The following PROX1 variants were observed in gnomAD, a reference collection of about 807,000 sequenced individuals.
PROX1 encodes the protein prospero homeobox 1.
A neutral mutation model predicts 58.8 loss-of-function variants in PROX1; 7 were observed. The ratio of observed to expected loss-of-function variants is 0.12; its 90% CI spans 0.07 to 0.22. PROX1 has a LOEUF of 0.22. Ranked by LOEUF, PROX1 falls within the 10% of genes least tolerant of loss-of-function variation. The pLI is 1.00. For missense variants in PROX1, 675 were observed against 927.8 expected (o/e 0.73, Z 3.54); for synonymous variants, 350 against 358.3 (o/e 0.98, Z 0.26).
chr1:214,032,986 C>T (rs1448663249), intron 4 of PROX1, among the ~76,000 whole-genome samples: 1 of 152,202 alleles, frequency 6.6e-6, no homozygotes, highest in Admixed American at 6.5e-5. Flanking sequence ...TGTTCTCATG[C>T]AAATCCTACA....
chr1:213,992,488 T>C (rs1328103536), intron 1 of PROX1, among the ~76,000 whole-genome samples: 4 of 152,106 alleles, frequency 2.6e-5, no homozygotes, highest in Non-Finnish European at 5.9e-5. Context: ...CCCCTTTGAA[T>C]CACTAATTTC....
Position 214,027,327 on chromosome 1 carries a change from G to A in PROX1, c.2029-8322G>A, listed in dbSNP as rs1431437711. Among the ~76,000 whole-genome samples, 4 of 151,706 alleles carry A rather than the reference G, an allele frequency of 2.6e-5. No individual in the cohort carries two copies. In the East Asian group the frequency reaches 5.8e-4, roughly 22 times the overall value. On this transcript the variant is annotated intron_variant, in intron 4 of 4. Transcript: ENST00000366958. Reference sequence around the variant, plus strand: ...CAAACTCACTAGAGAGTTTGGCTTCGGGATTTTGGCAAGAAGGCCGATTGC... The same window carrying A: ...CAAACTCACTAGAGAGTTTGGCTTCAGGATTTTGGCAAGAAGGCCGATTGC...
chr1:213,989,337 G>A (rs1380987548), intron 1 of PROX1, among the ~76,000 whole-genome samples: 1 of 151,694 alleles, frequency 6.6e-6, no homozygotes, highest in African/African-American at 2.4e-5. Context: ...GGCTCGGGGG[G>A]TCGCGTGGCG....
rs368696200 is a variant in PROX1 at position 213,992,442 on chromosome 1, A to T, written c.-68+3959A>T. On this transcript the variant is annotated intron_variant, in intron 1 of 4. Transcript: ENST00000366958. ...ATGTAGTGAAGGGGACAATTTAATGATTCAGGGGCTACTTAAATCAGACCA... is the reference window on the plus strand; with the variant it reads ...ATGTAGTGAAGGGGACAATTTAATGTTTCAGGGGCTACTTAAATCAGACCA... Among the ~76,000 whole-genome samples, 63 of 152,268 alleles carry T rather than the reference A, an allele frequency of 4.1e-4. 4 individuals carry two copies. Among genetic ancestry groups the T allele is most frequent in the East Asian group, 3.1e-3 (16 of 5,186 alleles).
At chr1:214,015,756 T>G (rs902287272) in intron 4 of PROX1, among the ~76,000 whole-genome samples, 1 of 152,206 alleles carries the variant, frequency 6.6e-6, no homozygotes, top group Non-Finnish European at 1.5e-5. Flanking sequence ...TGAGTGTAGG[T>G]TGAGAAAAGA....
At chr1:214,014,403 C>T (rs1247308653) in intron 4 of PROX1, among the ~76,000 whole-genome samples, 2 of 152,230 alleles carry the variant, frequency 1.3e-5, no homozygotes, top group Non-Finnish European at 2.9e-5. Flanking sequence ...TACGTCTACA[C>T]GGTGCCCCAA....
chr1:214,022,685 G>T (rs1402772623), intron 4 of PROX1, among the ~76,000 whole-genome samples: 2 of 152,166 alleles, frequency 1.3e-5, no homozygotes, highest in South Asian at 2.1e-4. Flanking sequence ...GGCCATACCT[G>T]CCTCATTGTG....
Position 213,997,072 on chromosome 1 carries a change from C to T in PROX1, c.537C>T (p.Ser179=). The T allele has an allele frequency of 9.3e-6, 15 of 1,613,968 alleles. 1 individual carries two copies. Among genetic ancestry groups the T allele is most frequent in the Non-Finnish European group, 1.2e-5 (14 of 1,179,998 alleles). The change falls in exon 2 of 5, where the codon TCC becomes TCT. Residue 179 remains serine (S), a synonymous_variant. Coordinates refer to ENST00000366958, the MANE Select transcript of PROX1 (RefSeq NM_001270616.2). The surrounding 1 kb of genome is among the most constrained non-coding windows in gnomAD (Gnocchi z 7.1). ...ATATAATTCGGGGTATGAGCCATTC[C>T]CCCAGTGTGGCATTAAGGGGCAATG... is the stretch of plus-strand genomic sequence containing the variant. The part of the protein sequence containing the change: ...VENIIRGMSH[S]PSVALRGNEN...
intron 4 of PROX1, chr1:214,030,074 A>G (rs1664594212): frequency 6.6e-6 from 1 of 152,628 alleles, no homozygotes; most frequent in Non-Finnish European, 1.5e-5. Context: ...GGTTTGTGAC[A>G]AGAATAACTC....
At chr1:214,023,131 G>T (rs529017964) in intron 4 of PROX1, among the ~76,000 whole-genome samples, 1 of 152,166 alleles carries the variant, frequency 6.6e-6, no homozygotes, top group Non-Finnish European at 1.5e-5. Context: ...TGACTGAATT[G>T]GCACTATCAT....
At chr1:214,004,504 C>T (rs1336628563) in intron 2 of PROX1, among the ~76,000 whole-genome samples, 4 of 152,160 alleles carry the variant, frequency 2.6e-5, no homozygotes, top group Non-Finnish European at 4.4e-5. Flanking sequence ...TGGACCATTG[C>T]TTTCACAAAA....
Position 214,038,700 on chromosome 1 carries a change from G to C in PROX1, c.*2866G>C, listed in dbSNP as rs1664909671. The C allele has an allele frequency of 1.3e-5, 2 of 152,070 alleles. No individual in the cohort carries two copies. The highest frequency in any genetic ancestry group is 1.3e-4 in the Admixed American group (2 of 15,272). The allele number at this position is 152,070 out of a possible 1,614,324, so 9.4% of individuals were successfully genotyped here. A position where few individuals can be genotyped will look rare whatever the true frequency, so the allele number is the denominator to read the frequency against. Reference sequence around the variant, plus strand: ...CAGTTTTTTCCCAACAAGTACAATTGTTCTTGTGCCTTCTGTGGCTTTCGA... The same window carrying C: ...CAGTTTTTTCCCAACAAGTACAATTCTTCTTGTGCCTTCTGTGGCTTTCGA... On this transcript the variant is annotated 3_prime_UTR_variant, in exon 5 of 5. Coordinates refer to ENST00000366958, the MANE Select transcript of PROX1 (RefSeq NM_001270616.2).
chr1:214,005,068 A>G (rs1663658024), intron 2 of PROX1, 97 bp from the exon 3 acceptor site: 3 of 911,828 alleles, frequency 3.3e-6, no homozygotes, highest in Non-Finnish European at 5.2e-6. Flanking sequence ...CCGCAGCTTG[A>G]TGGACCCCCA....
rs1664818852 is a variant in PROX1, at chr1:214,036,061, C to G, written c.*227C>G. ...GCCTTTAGTTTGCTTTTGCCCAAGG[C>G]CCTTAACATTTGGACACTTAAAATA... On this transcript the variant is annotated 3_prime_UTR_variant, in exon 5 of 5. Transcript: ENST00000366958. 4 of 371,594 alleles carry G rather than the reference C, an allele frequency of 1.1e-5. No homozygotes were observed. Among genetic ancestry groups the G allele is most frequent in the Non-Finnish European group, 1.9e-5 (4 of 209,816 alleles). 23.0% of individuals were successfully genotyped at this position (371,594 alleles called of 1,614,324 possible).
chr1:214,026,210 G>C (rs981440997), intron 4 of PROX1, among the ~76,000 whole-genome samples: 1 of 152,190 alleles, frequency 6.6e-6, no homozygotes, highest in Admixed American at 6.5e-5. Context: ...GTTTGGGAGA[G>C]AAGGAAAATT....
At chr1:214,022,451 A>G (rs1664313300) in intron 4 of PROX1, among the ~76,000 whole-genome samples, 1 of 152,234 alleles carries the variant, frequency 6.6e-6, no homozygotes, top group East Asian at 1.9e-4. Flanking sequence ...CTAAATAGGA[A>G]AGTAAACAAA....
At chr1:213,984,981 T>A (rs1662790571), upstream of PROX1, 1 of 152,234 alleles carries the variant, frequency 6.6e-6, no homozygotes, top group Non-Finnish European at 1.5e-5. Context: ...CGAGCAAATG[T>A]CAAGGCGAAG....
intron 4 of PROX1, among the ~76,000 whole-genome samples, chr1:214,018,901 G>C (rs1488027026): frequency 6.6e-6 from 1 of 152,128 alleles, no homozygotes; most frequent in Non-Finnish European, 1.5e-5. Context: ...CAAAAAGGGG[G>C]TCATAAAAAA....
chr1:214,020,217 T>C (rs1664234554), intron 4 of PROX1, among the ~76,000 whole-genome samples: 1 of 152,198 alleles, frequency 6.6e-6, no homozygotes, highest in Non-Finnish European at 1.5e-5. Context: ...CCGTCCCCAC[T>C]CTGCCCCCCT....
Sources: gnomAD v4.1 joint callset for allele counts (sites outside exome capture counted in the v4.1 genomes callset) on GRCh38, gnomAD v4.1.1 for gene constraint, Gnocchi (gnomAD v3.1) non-coding constraint, MANE v1.5 for transcripts, NCBI Gene and HGNC (gene_info 2026-07-23, HGNC 2026-07-21) for gene names.